Variants in PPP2R2D observed in about 807,000 individuals in gnomAD.
PPP2R2D encodes serine/threonine-protein phosphatase 2A 55 kDa regulatory subunit B delta isoform.
PPP2R2D carries 9 observed loss-of-function variants against 31.1 expected under a neutral mutation model. The observed-to-expected ratio is 0.29, with a 90% confidence interval of 0.17 to 0.51. PPP2R2D has a LOEUF of 0.51. Among genes scored for constraint, PPP2R2D ranks in the 20% least tolerant of loss-of-function variants. The probability of loss-of-function intolerance (pLI) is 0.98; values close to 1 mark genes in which losing one functional copy is unlikely to be tolerated. For missense variants in PPP2R2D, 391 were observed against 465.6 expected (o/e 0.84, Z 1.48); for synonymous variants, 179 against 172.6 (o/e 1.04, Z -0.29).
chr10:131,964,328 G>T (rs971806192), downstream of PPP2R2D, among the ~76,000 whole-genome samples: 6 of 148,994 alleles, frequency 4.0e-5, no homozygotes, highest in East Asian at 2.0e-4. Flanking sequence ...GTGACTTTGT[G>T]TTTTTTTTTT....
chr10:131,949,827 CGTG>C (rs1303739179), intron 8 of PPP2R2D, among the ~76,000 whole-genome samples: 1 of 5,908 alleles, frequency 1.7e-4, no homozygotes, highest in Non-Finnish European at 3.3e-4. Flanking sequence ...CCAAACATGA[CGTG>C]GAGACTGGAA....
rs139253701 is a variant in PPP2R2D, at chr10:131,932,102, C to T, written c.101-2356C>T. 3.3e-5 allele frequency among the ~76,000 whole-genome samples: 5 copies of T among 152,280 alleles called. No individual in the cohort carries two copies. The East Asian group carries it at 5.8e-4, about 18-fold the overall frequency. ...ACACACACGCATGGCCCACCATGTT[C>T]GGCGGGAGGTCTGAGAGGACTCGGG... On this transcript the variant is annotated intron_variant, in intron 2 of 8. Coordinates refer to ENST00000455566, the MANE Select transcript of PPP2R2D (RefSeq NM_018461.5).
rs549278097 is a variant in PPP2R2D, at chr10:131,920,196, G to A, written c.101-14262G>A. On this transcript the variant is annotated intron_variant, in intron 2 of 8. Coordinates refer to ENST00000455566, the MANE Select transcript of PPP2R2D (RefSeq NM_018461.5). Reference sequence around the variant, plus strand: ...TGTTTGTAGGGACCTGACGTGGGTGGAATGACACAGTATAGGGACCTCACG... The same window carrying A: ...TGTTTGTAGGGACCTGACGTGGGTGAAATGACACAGTATAGGGACCTCACG... Among the ~76,000 whole-genome samples, 4 of 150,290 alleles carry A rather than the reference G, an allele frequency of 2.7e-5. No individual in the cohort carries two copies. The East Asian group carries it at 8.0e-4, about 30-fold the overall frequency.
Position 131,950,048 on chromosome 10 carries a change from A to G in PPP2R2D, c.1082+2257A>G, listed in dbSNP as rs565062176. 3.3e-5 allele frequency among the ~76,000 whole-genome samples: 5 copies of G among 151,904 alleles called. No homozygotes were observed. In the South Asian group the frequency reaches 1.0e-3, roughly 32 times the overall value. On this transcript the variant is annotated intron_variant, in intron 8 of 8. Transcript: ENST00000455566. ...GCCAAACATGACGTGGAGACTGGAA[A>G]GGAGTCAGAGAACATCTAGAAATGA...
At chr10:131,926,691 G>T (rs549339390) in intron 2 of PPP2R2D, among the ~76,000 whole-genome samples, 19 of 152,306 alleles carry the variant, frequency 1.2e-4, no homozygotes, top group South Asian at 2.1e-4. Flanking sequence ...AGTTTTATGT[G>T]AAGGAGTTGT....
chr10:131,971,334 G>A, the PPP2R2D span: 6 of 258,924 alleles, frequency 2.3e-5, no homozygotes, highest in Middle Eastern at 1.4e-3. Context: ...CTGGTTATAA[G>A]AAAAGAAAAT....
At chr10:131,922,937 G>A (rs1443806215) in intron 2 of PPP2R2D, among the ~76,000 whole-genome samples, 1 of 152,204 alleles carries the variant, frequency 6.6e-6, no homozygotes, top group African/African-American at 2.4e-5. Context: ...GAGAATGGTT[G>A]CAAGTTGTGA....
chr10:131,907,449 T>A (rs2035610979), intron 2 of PPP2R2D, among the ~76,000 whole-genome samples: 1 of 152,118 alleles, frequency 6.6e-6, no homozygotes, highest in Non-Finnish European at 1.5e-5. Flanking sequence ...TGCCTTAAGA[T>A]TCACAGACTC....
At chr10:131,917,550 C>G (rs2035835454) in intron 2 of PPP2R2D, among the ~76,000 whole-genome samples, 1 of 117,122 alleles carries the variant, frequency 8.5e-6, no homozygotes, top group Non-Finnish European at 1.7e-5. Context: ...TGGAATGACA[C>G]AGTGTTTGTA....
chr10:131,902,531 A>G (rs1435624727), intron 2 of PPP2R2D, among the ~76,000 whole-genome samples: 1 of 152,162 alleles, frequency 6.6e-6, no homozygotes, highest in Admixed American at 6.5e-5. Flanking sequence ...TGCGTAATAT[A>G]TATGGTTTGA....
chr10:131,945,236 A>G lies in PPP2R2D; in HGVS notation c.656-59A>G, dbSNP rs1250264937. On this transcript the variant is annotated intron_variant, in intron 6 of 8. Transcript: ENST00000455566. The surrounding 1 kb of genome is among the most constrained non-coding windows in gnomAD (Gnocchi z 4.8). ...TTGGCGTCCTATTTCGCGTGACTGAATGTAGACTAATTAACAACCAGCTGA... is the reference window on the plus strand; with the variant it reads ...TTGGCGTCCTATTTCGCGTGACTGAGTGTAGACTAATTAACAACCAGCTGA... 1.3e-6 allele frequency: 2 copies of G among 1,561,002 alleles called. No homozygotes were observed. The highest frequency in any genetic ancestry group is 1.7e-6 in the Non-Finnish European group (2 of 1,146,822).
downstream of PPP2R2D, among the ~76,000 whole-genome samples, chr10:131,961,734 C>T (rs1052926539): frequency 6.6e-6 from 1 of 152,222 alleles, no homozygotes; most frequent in African/African-American, 2.4e-5. Context: ...GGCGCCAGCA[C>T]CCAGTCCCAA....
Position 131,957,530 on chromosome 10 carries a change from G to C in PPP2R2D, c.*1567G>C. 1 of 190,016 alleles carries C rather than the reference G, an allele frequency of 5.3e-6. No homozygotes were observed. The highest frequency in any genetic ancestry group is 1.1e-5 in the Non-Finnish European group (1 of 92,678). The allele number at this position is 190,016 out of a possible 1,614,324, so 11.8% of individuals were successfully genotyped here. On this transcript the variant is annotated 3_prime_UTR_variant, in exon 9 of 9. Coordinates refer to ENST00000455566, the MANE Select transcript of PPP2R2D (RefSeq NM_018461.5). ...CCCGTCCCCCTGTGGAGATGAAGGTGTGTGCTGATCCCCCGTGCCCCTGTG... is the reference window on the plus strand; with the variant it reads ...CCCGTCCCCCTGTGGAGATGAAGGTCTGTGCTGATCCCCCGTGCCCCTGTG...
Position 131,916,850 on chromosome 10 carries a change from C to T in PPP2R2D, c.100+15520C>T, listed in dbSNP as rs575179266. 2.1e-3 allele frequency among the ~76,000 whole-genome samples: 310 copies of T among 147,792 alleles called. 1 individual carries two copies. Among genetic ancestry groups the T allele is most frequent in the African/African-American group, 7.6e-3 (300 of 39,568 alleles). ...GTGGAATGACAGTGTTTGTAGGGAC[C>T]TCAGGCGGGTGGAATGACAGTGTTT... On this transcript the variant is annotated intron_variant, in intron 2 of 8. Transcript: ENST00000455566.
In PPP2R2D at chr10:131,931,930, G is replaced by A. The variant is rs1225711518; in HGVS notation, c.101-2528G>A. Among the ~76,000 whole-genome samples the A allele has an allele frequency of 2.6e-5, 4 of 152,122 alleles. No individual in the cohort carries two copies. The South Asian group carries it at 8.3e-4, about 31-fold the overall frequency. ...CCACCTGGCAGGGTGAATGGGGGGCGACCTGGGGACCAAGCAGCTCTGTGA... is the reference window on the plus strand; with the variant it reads ...CCACCTGGCAGGGTGAATGGGGGGCAACCTGGGGACCAAGCAGCTCTGTGA... On this transcript the variant is annotated intron_variant, in intron 2 of 8. Coordinates refer to ENST00000455566, the MANE Select transcript of PPP2R2D (RefSeq NM_018461.5).
At chr10:131,948,704 T>G (rs1367196262) in intron 8 of PPP2R2D, among the ~76,000 whole-genome samples, 1 of 152,188 alleles carries the variant, frequency 6.6e-6, no homozygotes, top group African/African-American at 2.4e-5. Flanking sequence ...CCACTGCCCC[T>G]GTGAACAGCA....
chr10:131,951,785 A>G (rs1049596127), intron 8 of PPP2R2D, among the ~76,000 whole-genome samples: 9 of 152,244 alleles, frequency 5.9e-5, no homozygotes, highest in African/African-American at 2.2e-4. Context: ...GTGCCACTGC[A>G]CTCCAGCCTG....
intron 2 of PPP2R2D, chr10:131,912,164 G>A (rs2035695641): frequency 6.6e-6 from 1 of 152,190 alleles, no homozygotes; most frequent in Non-Finnish European, 1.5e-5. Context: ...GTATTAGTCA[G>A]TATTGTTTTT....
chr10:131,950,195 C>G (rs961838665), intron 8 of PPP2R2D, among the ~76,000 whole-genome samples: 1 of 152,086 alleles, frequency 6.6e-6, no homozygotes, highest in Admixed American at 6.5e-5. Flanking sequence ...AAACAGAAAA[C>G]AAGAGACACT....
Sources: gnomAD v4.1 joint callset for allele counts (sites outside exome capture counted in the v4.1 genomes callset) on GRCh38, gnomAD v4.1.1 for gene constraint, Gnocchi (gnomAD v3.1) non-coding constraint, MANE v1.5 for transcripts, NCBI Gene and HGNC (gene_info 2026-07-23, HGNC 2026-07-21) for gene names.